Variants in QTGAL observed in about 807,000 individuals in gnomAD.
The protein encoded by QTGAL is BGnT-like protein 1.
chr17:83,047,352 T>C, the QTGAL span, among the ~76,000 whole-genome samples: 1 of 152,176 alleles, frequency 6.6e-6, no homozygotes, highest in Non-Finnish European at 1.5e-5. Flanking sequence ...ACTATCACCC[T>C]GGGGGTTCCA....
chr17:82,945,909 A>C, the QTGAL span: 2 of 152,236 alleles, frequency 1.3e-5, no homozygotes, highest in East Asian at 3.8e-4. Context: ...TGACCATAAA[A>C]ACATAGAAAG....
chr17:82,970,568 G>GCACCCGGCGTGGCCACGACCTCCC, the QTGAL span, among the ~76,000 whole-genome samples: 1 of 39,488 alleles, frequency 2.5e-5, no homozygotes, highest in Non-Finnish European at 5.5e-5. Context: ...CGCGACCTCC[G>GCACCCGGCGTGGCCACGACCTCCC]CACCCGGCGT....
chr17:82,963,299 C>A, the QTGAL span, among the ~76,000 whole-genome samples: 1 of 152,200 alleles, frequency 6.6e-6, no homozygotes, highest in Non-Finnish European at 1.5e-5. Context: ...CAGGGCTCGT[C>A]CCCAGCGCCA....
At chr17:82,977,436 G>A in the QTGAL span, among the ~76,000 whole-genome samples, 1 of 152,128 alleles carries the variant, frequency 6.6e-6, no homozygotes, top group Admixed American at 6.5e-5. Context: ...GGAGGGGGGT[G>A]AGTACCGTTA....
the QTGAL span, among the ~76,000 whole-genome samples, chr17:82,962,876 G>A: frequency 7.4e-5 from 11 of 148,898 alleles, no homozygotes; most frequent in Admixed American, 1.4e-4. Flanking sequence ...TGCCCTGGGA[G>A]GAGGGGGACG....
the QTGAL span, among the ~76,000 whole-genome samples, chr17:83,008,269 T>C: frequency 6.6e-6 from 1 of 152,222 alleles, no homozygotes; most frequent in Non-Finnish European, 1.5e-5. Context: ...GAAGCCACTT[T>C]CAAGGCTTTC....
the QTGAL span, among the ~76,000 whole-genome samples, chr17:82,973,536 G>A: frequency 9.9e-5 from 15 of 152,244 alleles, no homozygotes; most frequent in African/African-American, 3.6e-4. Context: ...GGGCAGGATT[G>A]GAGTCCGGCT....
chr17:83,001,944 T>C, the QTGAL span, among the ~76,000 whole-genome samples: 1 of 151,998 alleles, frequency 6.6e-6, no homozygotes, highest in Non-Finnish European at 1.5e-5. Flanking sequence ...TAATGTTTCG[T>C]AGAGACAGGG....
the QTGAL span, chr17:83,006,103 G>A: frequency 1.0e-6 from 1 of 991,578 alleles, no homozygotes; most frequent in Non-Finnish European, 1.2e-6. This position sits in a 1 kb window ranked among gnomAD's most constrained non-coding sequence, Gnocchi z 5.8. Context: ...CACAGCACAG[G>A]CCCCAGGTCA....
chr17:83,002,961 CGCAG>C, the QTGAL span, among the ~76,000 whole-genome samples: 1 of 7,102 alleles, frequency 1.4e-4, no homozygotes, highest in Non-Finnish European at 2.8e-4. Context: ...TCCCACTCTC[CGCAG>C]TCCGCGTGTG....
the QTGAL span, among the ~76,000 whole-genome samples, chr17:82,991,715 A>G: frequency 0.012 from 1,849 of 152,258 alleles, 44 homozygotes; most frequent in African/African-American, 0.042. Context: ...AATGAACTAA[A>G]TGAGGCACCA....
At chr17:82,966,285 C>T in the QTGAL span, among the ~76,000 whole-genome samples, 1 of 151,988 alleles carries the variant, frequency 6.6e-6, no homozygotes, top group Non-Finnish European at 1.5e-5. Context: ...AAACTCCCGG[C>T]CTCAAGCGAT....
the QTGAL span, among the ~76,000 whole-genome samples, chr17:83,038,333 C>T: frequency 6.6e-6 from 1 of 152,160 alleles, no homozygotes; most frequent in Non-Finnish European, 1.5e-5. Context: ...CCCTTCACCT[C>T]GGTCCTTCAG....
chr17:82,979,602 G>C, the QTGAL span, among the ~76,000 whole-genome samples: 1 of 152,338 alleles, frequency 6.6e-6, no homozygotes, highest in South Asian at 2.1e-4. Flanking sequence ...ACATGTGAAT[G>C]AAGGAAATCG....
the QTGAL span, among the ~76,000 whole-genome samples, chr17:83,036,682 C>T: frequency 1.3e-5 from 2 of 152,274 alleles, no homozygotes; most frequent in Admixed American, 6.5e-5. Context: ...CTGTTAAGAA[C>T]GTGAACCAGC....
the QTGAL span, chr17:82,956,790 C>T: frequency 3.2e-6 from 5 of 1,564,316 alleles, no homozygotes; most frequent in African/African-American, 2.7e-5. The surrounding 1 kb of genome is among the most constrained non-coding windows in gnomAD (Gnocchi z 5.7). Context: ...CAGTGGCCAT[C>T]AGTCCTGCCC....
At chr17:82,942,528 G>A in the QTGAL span, 464 of 1,609,766 alleles carry the variant, frequency 2.9e-4, no homozygotes, top group Non-Finnish European at 3.3e-4. Flanking sequence ...GAGGGAGGCC[G>A]GTGTGGAAAG....
chr17:83,031,902 C>A, the QTGAL span, among the ~76,000 whole-genome samples: 1 of 152,246 alleles, frequency 6.6e-6, no homozygotes, highest in East Asian at 1.9e-4. Context: ...ACCCCAACGT[C>A]CTTCGAGGAT....
At chr17:83,041,065 CAA>C in the QTGAL span, among the ~76,000 whole-genome samples, 172 of 89,788 alleles carry the variant, frequency 1.9e-3, 1 homozygote, top group Admixed American at 4.7e-3. Flanking sequence ...GACTCCATCT[CAA>C]AAAAAAAAAA....
Sources: allele counts gnomAD v4.1 joint callset (sites outside exome capture counted in the v4.1 genomes callset), GRCh38; gene constraint gnomAD v4.1.1; non-coding constraint Gnocchi (gnomAD v3.1); transcripts MANE v1.5; gene names NCBI Gene and HGNC (gene_info 2026-07-23, HGNC 2026-07-21).